ZFC3H1: variants seen among roughly 807,000 people sequenced by gnomAD.
ZFC3H1 encodes zinc finger C3H1 domain-containing protein.
A neutral mutation model predicts 243.7 loss-of-function variants in ZFC3H1; 71 were observed. The observed-to-expected ratio is 0.29, with a 90% confidence interval of 0.24 to 0.36. The LOEUF is 0.36. Ranked by LOEUF, ZFC3H1 falls within the 10% of genes least tolerant of loss-of-function variation. The probability of loss-of-function intolerance (pLI) is 1.00; values close to 1 mark genes in which losing one functional copy is unlikely to be tolerated. For synonymous variants in ZFC3H1, 838 were observed against 813.0 expected (o/e 1.03, Z -0.52); for missense variants, 1,966 against 2,317.1 (o/e 0.85, Z 3.11).
intron 3 of ZFC3H1, among the ~76,000 whole-genome samples, chr12:71,645,885 T>G (rs1233426735): frequency 2.0e-5 from 3 of 151,992 alleles, no homozygotes; most frequent in African/African-American, 7.2e-5. Flanking sequence ...TTAATTAGAG[T>G]CCATGGACTT....
At position 71,632,993 on chromosome 12, in the gene ZFC3H1, T is replaced by C. The variant is rs749522845; in HGVS notation, c.2710A>G (p.Thr904Ala). The change falls in exon 14 of 35, where the codon ACA (threonine) becomes GCA (alanine). Residue 904 changes from threonine (T) to alanine (A), a missense_variant. This residue lies in a region of ZFC3H1 where 1,383 missense variants were observed against 1,723.7 expected (regional missense o/e 0.80). Transcript: ENST00000378743. Reference protein sequence around the residue: ...EQIHRVQQRVTIKKALTLKYG... With the variant: ...EQIHRVQQRVAIKKALTLKYG... Reference sequence around the variant, plus strand: ...TTTAGAGTCAAAGCTTTCTTAATTGTAACACGCTGTTGAACTCTGTGAATC... The same window carrying C: ...TTTAGAGTCAAAGCTTTCTTAATTGCAACACGCTGTTGAACTCTGTGAATC... 3.1e-6 allele frequency: 5 copies of C among 1,612,542 alleles called. No homozygotes were observed. Among genetic ancestry groups the C allele is most frequent in the Non-Finnish European group, 4.2e-6 (5 of 1,179,556 alleles).
rs190449683 is a variant in ZFC3H1, at chr12:71,611,355, A to C, written c.5730-258T>G. On this transcript the variant is annotated intron_variant, in intron 32 of 34. Transcript: ENST00000378743. ...AAATAACGTTCACAGGAGAAAAAAA[A>C]AACAACAACAACAACAAAAAAAAAA... The C allele has an allele frequency of 0.013, 3,687 of 273,550 alleles. 58 individuals carry two copies. Among genetic ancestry groups the C allele is most frequent in the African/African-American group, 0.035 (1,549 of 44,156 alleles). 16.9% of individuals were successfully genotyped at this position (273,550 alleles called of 1,614,324 possible). A position where few individuals can be genotyped will look rare whatever the true frequency, so the allele number is the denominator to read the frequency against.
rs1880434046 is a variant in ZFC3H1, at chr12:71,635,384, T to TA, written c.2238+58dup. On this transcript the variant is annotated intron_variant, in intron 10 of 34. Coordinates refer to ENST00000378743, the MANE Select transcript of ZFC3H1 (RefSeq NM_144982.5). ...TTATGGTTTAATTTTCAGGAAAAAA[T>TA]AAACTTTACTGATCATCAAAAGGTC... 120 of 1,523,686 alleles carry TA rather than the reference T, an allele frequency of 7.9e-5. No homozygotes were observed. In the South Asian group the frequency reaches 1.6e-3, roughly 20 times the overall value. 94.4% of individuals were successfully genotyped at this position (1,523,686 alleles called of 1,614,324 possible).
chr12:71,660,985 T>A (rs1881156979), intron 1 of ZFC3H1, among the ~76,000 whole-genome samples: 1 of 151,458 alleles, frequency 6.6e-6, no homozygotes, highest in East Asian at 1.9e-4. Context: ...TAATAAAAAT[T>A]TTTTTTAATT....
Position 71,610,453 on chromosome 12 carries a change from T to A in ZFC3H1, c.5945A>T (p.Asn1982Ile), listed in dbSNP as rs180798100. The change falls in exon 35 of 35, where the codon AAC becomes ATC. Residue 1982 changes from asparagine (N) to isoleucine (I), a missense_variant. Transcript: ENST00000378743. The stretch of plus-strand genomic sequence containing the variant: ...TCAGTGATTCTTGCTTTCTGTTTTG[T>A]TACTGTTTAAATTTAAGAGCTCATT... Reference protein sequence around the residue: ...SLNELLNLNSNKTESKNH With the variant: ...SLNELLNLNSIKTESKNH 3 of 1,613,448 alleles carry A rather than the reference T, an allele frequency of 1.9e-6. No individual in the cohort carries two copies. In the East Asian group the frequency reaches 6.7e-5, roughly 36 times the overall value.
chr12:71,642,528 T>A lies in ZFC3H1; in HGVS notation c.1535A>T (p.Asp512Val). The change falls in exon 6 of 35, where the codon GAT becomes GTT. Residue 512 changes from aspartate (D) to valine (V), a missense_variant. Coordinates refer to ENST00000378743, the MANE Select transcript of ZFC3H1 (RefSeq NM_144982.5). The part of the protein sequence containing the change: ...SSDPDLRRSL[D>V]KQPTDSGGGI... Reference sequence around the variant, plus strand: ...TCCTCCACTATCAGTAGGTTGCTTATCTAAGGATCGCCTCAGGTCAGGATC... The same window carrying A: ...TCCTCCACTATCAGTAGGTTGCTTAACTAAGGATCGCCTCAGGTCAGGATC... The A allele has an allele frequency of 6.2e-7, 1 of 1,613,320 alleles. No homozygotes were observed. The highest frequency in any genetic ancestry group is 8.5e-7 in the Non-Finnish European group (1 of 1,179,666).
chr12:71,653,870 C>T (rs547651554), intron 2 of ZFC3H1, among the ~76,000 whole-genome samples: 4 of 152,008 alleles, frequency 2.6e-5, no homozygotes, highest in Non-Finnish European at 5.9e-5. Flanking sequence ...AAAAATTAGC[C>T]GGGCGCAATG....
rs955506306 is a variant in ZFC3H1 at position 71,632,644 on chromosome 12, CAG to C, written c.2818-132_2818-131del. 5 of 1,287,622 alleles carry C rather than the reference CAG, an allele frequency of 3.9e-6. No homozygotes were observed. The African/African-American group carries it at 7.6e-5, about 19-fold the overall frequency. 79.8% of individuals were successfully genotyped at this position (1,287,622 alleles called of 1,614,324 possible). A position where few individuals can be genotyped will look rare whatever the true frequency, so the allele number is the denominator to read the frequency against. On this transcript the variant is annotated intron_variant, in intron 14 of 34. Transcript: ENST00000378743. ...AACTAAATCAATATGGAGAATAAAACAGAGTTTAACATAAGTAGCCAAAAGTT... is the reference window on the plus strand; with the variant it reads ...AACTAAATCAATATGGAGAATAAAACAGTTTAACATAAGTAGCCAAAAGTT...
chr12:71,654,806 A>T (rs1486103290), intron 2 of ZFC3H1, among the ~76,000 whole-genome samples: 1 of 152,224 alleles, frequency 6.6e-6, no homozygotes, highest in African/African-American at 2.4e-5. Flanking sequence ...AACCAGCTCT[A>T]TACTATGTAC....
At position 71,623,577 on chromosome 12, in the gene ZFC3H1, A is replaced by C. The variant is rs1001736179; in HGVS notation, c.4527T>G (p.Asn1509Lys). The change falls in exon 24 of 35, where the codon AAT becomes AAG. Residue 1509 changes from asparagine to lysine, a missense_variant. This residue lies in a region of ZFC3H1 where 1,383 missense variants were observed against 1,723.7 expected (regional missense o/e 0.80). Coordinates refer to ENST00000378743, the MANE Select transcript of ZFC3H1 (RefSeq NM_144982.5). ...AILQNALKSA[N>K]DGIVAEYLKT... ...TAAGGTATTCAGCTACTATTCCATC[A>C]TTAGCAGATTTCAATGCATTCTAGG... 2.5e-6 allele frequency: 4 copies of C among 1,609,316 alleles called. No homozygotes were observed. The South Asian group carries it at 4.5e-5, about 18-fold the overall frequency.
chr12:71,651,677 C>T lies in ZFC3H1; in HGVS notation c.1016-3864G>A, dbSNP rs561996455. Reference sequence around the variant, plus strand: ...GAGAAGTAAAGTCAAAAGCTGGTACCGACTAGACCTCTCAGAAGTCTTATT... The same window carrying T: ...GAGAAGTAAAGTCAAAAGCTGGTACTGACTAGACCTCTCAGAAGTCTTATT... On this transcript the variant is annotated intron_variant, in intron 2 of 34. Transcript: ENST00000378743. Among the ~76,000 whole-genome samples the T allele has an allele frequency of 5.3e-5, 8 of 152,198 alleles. No individual in the cohort carries two copies. In the East Asian group the frequency reaches 7.7e-4, roughly 15 times the overall value.
intron 28 of ZFC3H1, 85 bp from the exon 29 acceptor site, chr12:71,615,023 T>C (rs1399399508): frequency 7.9e-7 from 1 of 1,269,098 alleles, no homozygotes; most frequent in African/African-American, 1.5e-5. Flanking sequence ...ACATTACAGA[T>C]GTTATTACAA....
Position 71,663,436 on chromosome 12 carries a change from G to T in ZFC3H1, c.175C>A (p.His59Asn). ...CCAGATCCACCGCCCCGGGCCGAGTGAGGAGGCCTTCGCCGCGGATAGGGT... is the reference window on the plus strand; with the variant it reads ...CCAGATCCACCGCCCCGGGCCGAGTTAGGAGGCCTTCGCCGCGGATAGGGT... The part of the protein sequence containing the change: ...LLPYPRRRPP[H>N]SARGGGSGGG... The change falls in exon 1 of 35, where the codon CAC becomes AAC. Residue 59 changes from histidine to asparagine, a missense_variant. His to Asn is a moderately conservative substitution (Grantham distance 68). Transcript: ENST00000378743. The T allele has an allele frequency of 6.2e-7, 1 of 1,611,984 alleles. No homozygotes were observed.
intron 27 of ZFC3H1, among the ~76,000 whole-genome samples, chr12:71,618,694 TGAG>T (rs35233081): frequency 0.5 from 75,557 of 151,628 alleles, 21,970 homozygotes; most frequent in Middle Eastern, 0.71. Flanking sequence ...CATAAAGAGA[TGAG>T]GAGGACAAAG....
chr12:71,634,673 T>C, intron 11 of ZFC3H1, 31 bp downstream of exon 11: 2 of 1,569,174 alleles, frequency 1.3e-6, no homozygotes, highest in Non-Finnish European at 1.7e-6. Flanking sequence ...ATCACATACT[T>C]TTAATGTTAA....
At chr12:71,649,779 G>A (rs1880832856) in intron 2 of ZFC3H1, among the ~76,000 whole-genome samples, 1 of 152,182 alleles carries the variant, frequency 6.6e-6, no homozygotes, top group Non-Finnish European at 1.5e-5. Flanking sequence ...GAAATCTACT[G>A]GTTGATTAGG....
chr12:71,634,848 A>G (rs755350177), intron 10 of ZFC3H1, 23 bp from the exon 11 acceptor site: 1 of 1,578,068 alleles, frequency 6.3e-7, no homozygotes, highest in South Asian at 1.2e-5. Flanking sequence ...AAACATTTGA[A>G]GTCAACTAGA....
At chr12:71,613,742 T>A (rs1592581939) in intron 30 of ZFC3H1, 1 of 208,950 alleles carries the variant, frequency 4.8e-6, no homozygotes, top group African/African-American at 2.3e-5. Context: ...GGGCTAATAA[T>A]ACCTGCCACA....
At chr12:71,635,717 G>A (rs878949208) in intron 9 of ZFC3H1, 137 bp from the exon 10 acceptor site, 1 of 689,984 alleles carries the variant, frequency 1.4e-6, no homozygotes, top group African/African-American at 1.9e-5. Context: ...ATAATCCACT[G>A]AGTCGACCAA....
Sources: gnomAD v4.1 joint callset for allele counts (sites outside exome capture counted in the v4.1 genomes callset) on GRCh38, gnomAD v4.1.1 for gene constraint, gnomAD v4.1.1 regional missense constraint, MANE v1.5 for transcripts, NCBI Gene and HGNC (gene_info 2026-07-23, HGNC 2026-07-21) for gene names.